Variants in PTTG1IP2 observed in about 807,000 individuals in gnomAD.
PTTG1IP2 encodes PTTG1IP family member 2.
chr7:90,480,219 A>G (rs1327969953), intron 2 of PTTG1IP2, among the ~76,000 whole-genome samples: 1 of 152,122 alleles, frequency 6.6e-6, no homozygotes, highest in Admixed American at 6.6e-5. Flanking sequence ...ATTGGCTCTT[A>G]CATTCTCACT....
intron 6 of PTTG1IP2, among the ~76,000 whole-genome samples, chr7:90,497,679 T>C (rs1008688187): frequency 8.4e-6 from 1 of 118,828 alleles, no homozygotes; most frequent in Admixed American, 1.2e-4. Context: ...ATCATACCAC[T>C]GTACTCCAGC....
chr7:90,510,209 G>A (rs1400745688), intron 6 of PTTG1IP2, among the ~76,000 whole-genome samples: 1 of 151,982 alleles, frequency 6.6e-6, no homozygotes, highest in African/African-American at 2.4e-5. Context: ...TCAATTAAAG[G>A]CTTTCCAAGG....
In PTTG1IP2 at chr7:90,491,598, G is replaced by A. The variant is rs116681499; in HGVS notation, c.381-641G>A. ...AGATCACACCACTGCACCCCAGCCC[G>A]GGTGACATAGCGAGACTCCATCTAA... On this transcript the variant is annotated intron_variant, in intron 4 of 6. Coordinates refer to ENST00000509356, the MANE Select transcript of PTTG1IP2 (RefSeq NM_001365443.2). Among the ~76,000 whole-genome samples, 470 of 151,558 alleles carry A rather than the reference G, an allele frequency of 3.1e-3. 3 individuals are homozygous for A. Among genetic ancestry groups the A allele is most frequent in the African/African-American group, 9.9e-3 (407 of 41,294 alleles).
At chr7:90,488,557 T>C (rs1797903369) in intron 3 of PTTG1IP2, among the ~76,000 whole-genome samples, 2 of 152,044 alleles carry the variant, frequency 1.3e-5, no homozygotes, top group Non-Finnish European at 2.9e-5. Context: ...TTTGTTGTTT[T>C]ACCTATTAAG....
intron 6 of PTTG1IP2, among the ~76,000 whole-genome samples, chr7:90,501,878 A>T (rs529112894): frequency 6.6e-6 from 1 of 152,260 alleles, no homozygotes; most frequent in East Asian, 1.9e-4. Flanking sequence ...TCTTTGCAGC[A>T]TGTGATGCTG....
At chr7:90,493,655 T>C (rs932470722) in intron 5 of PTTG1IP2, among the ~76,000 whole-genome samples, 9 of 152,176 alleles carry the variant, frequency 5.9e-5, no homozygotes, top group African/African-American at 2.2e-4. Flanking sequence ...CAGGATGATT[T>C]TTCACCCATG....
At chr7:90,505,031 A>G (rs1798108710) in intron 6 of PTTG1IP2, among the ~76,000 whole-genome samples, 1 of 152,184 alleles carries the variant, frequency 6.6e-6, no homozygotes, top group Non-Finnish European at 1.5e-5. Flanking sequence ...AGCAACCCAA[A>G]AGGAAAAGAT....
In PTTG1IP2 at chr7:90,501,037, T is replaced by C. The variant is rs117326507; in HGVS notation, c.*50+6607T>C. Among the ~76,000 whole-genome samples, 10 of 152,356 alleles carry C rather than the reference T, an allele frequency of 6.6e-5. No homozygotes were observed. In the East Asian group the frequency reaches 1.9e-3, roughly 29 times the overall value. The stretch of plus-strand genomic sequence containing the variant: ...AACATTTAAATTTATTTCAATTATA[T>C]ATTTTCATTGTTTTTGAATTGATTT... On this transcript the variant is annotated intron_variant, in intron 6 of 6. Coordinates refer to ENST00000509356, the MANE Select transcript of PTTG1IP2 (RefSeq NM_001365443.2).
chr7:90,470,580 TCCAGAGTAGA>T (rs1255843675), intron 1 of PTTG1IP2, among the ~76,000 whole-genome samples: 2 of 152,224 alleles, frequency 1.3e-5, no homozygotes, highest in Non-Finnish European at 2.9e-5. Context: ...CTGTCTGGTT[TCCAGAGTAGA>T]AAAGAATGTT....
intron 1 of PTTG1IP2, among the ~76,000 whole-genome samples, chr7:90,477,297 A>G (rs143383886): frequency 6.6e-6 from 1 of 152,196 alleles, no homozygotes; most frequent in African/African-American, 2.4e-5. Flanking sequence ...GAAAGAACCT[A>G]CTGATTCATG....
At position 90,474,001 on chromosome 7, in the gene PTTG1IP2, T is replaced by C. The variant is rs1797718909; in HGVS notation, c.145+4070T>C. Among the ~76,000 whole-genome samples the C allele has an allele frequency of 2.0e-5, 3 of 152,252 alleles. No homozygotes were observed. In the South Asian group the frequency reaches 6.2e-4, roughly 31 times the overall value. On this transcript the variant is annotated intron_variant, in intron 1 of 6. Transcript: ENST00000509356. ...CAGTAAACATTATGCAGTCATGTGTTGCTTAATGACAGAGGTGTATCCTGA... is the reference window on the plus strand; with the variant it reads ...CAGTAAACATTATGCAGTCATGTGTCGCTTAATGACAGAGGTGTATCCTGA...
chr7:90,472,225 A>G lies in PTTG1IP2; in HGVS notation c.145+2294A>G, dbSNP rs141120594. Among the ~76,000 whole-genome samples, 1,292 of 152,026 alleles carry G rather than the reference A, an allele frequency of 8.5e-3. 28 individuals carry two copies. The highest frequency in any genetic ancestry group is 0.03 in the African/African-American group (1,235 of 41,468). ...GTAGAATGAAAACAATAGAGCAACT[A>G]TGTAAACCCTGCACAGCAAAATAAA... On this transcript the variant is annotated intron_variant, in intron 1 of 6. Transcript: ENST00000509356.
At chr7:90,487,279 G>C (rs1797884629) in intron 2 of PTTG1IP2, 48 bp from the exon 3 acceptor site, 1 of 152,536 alleles carries the variant, frequency 6.6e-6, no homozygotes, top group Non-Finnish European at 1.5e-5. Flanking sequence ...CTGGGATTGT[G>C]GTTATTATAC....
chr7:90,475,742 C>T (rs561122208), intron 1 of PTTG1IP2, among the ~76,000 whole-genome samples: 17 of 152,030 alleles, frequency 1.1e-4, no homozygotes, highest in African/African-American at 3.1e-4. Flanking sequence ...GGGTGGATCA[C>T]GAGGTCAGGA....
chr7:90,489,443 T>C (rs1253556431), intron 4 of PTTG1IP2, among the ~76,000 whole-genome samples: 1 of 151,880 alleles, frequency 6.6e-6, no homozygotes, highest in Admixed American at 6.6e-5. Flanking sequence ...TACTAATATT[T>C]CTCCTGTTGA....
chr7:90,475,123 A>G (rs1797732781), intron 1 of PTTG1IP2, among the ~76,000 whole-genome samples: 2 of 152,320 alleles, frequency 1.3e-5, no homozygotes, highest in East Asian at 3.9e-4. Flanking sequence ...GATTGTGCTT[A>G]TGAATGCAGC....
chr7:90,480,818 A>G (rs987738841), intron 2 of PTTG1IP2, among the ~76,000 whole-genome samples: 1 of 152,062 alleles, frequency 6.6e-6, no homozygotes, highest in African/African-American at 2.4e-5. Context: ...GTTTTTTGCA[A>G]CTTACTTGTT....
chr7:90,487,715 T>G (rs2116076512), intron 3 of PTTG1IP2, among the ~76,000 whole-genome samples: 1 of 152,326 alleles, frequency 6.6e-6, no homozygotes, highest in African/African-American at 2.4e-5. Context: ...TTCATTCAAA[T>G]TAAGTCAACA....
chr7:90,496,442 C>G (rs1797992520), intron 6 of PTTG1IP2, among the ~76,000 whole-genome samples: 1 of 152,058 alleles, frequency 6.6e-6, no homozygotes, highest in Admixed American at 6.6e-5. Context: ...TAATTCTTCA[C>G]AGTATCTCGT....
Sources: allele counts gnomAD v4.1 joint callset (sites outside exome capture counted in the v4.1 genomes callset), GRCh38; gene constraint gnomAD v4.1.1; transcripts MANE v1.5; gene names NCBI Gene and HGNC (gene_info 2026-07-23, HGNC 2026-07-21).